Variants in HERC4 observed in about 807,000 individuals in gnomAD.
HERC4 encodes HECT and RLD domain containing E3 ubiquitin protein ligase 4.
Under a neutral mutation model 124.3 loss-of-function variants are expected in HERC4, and 28 were observed. That is an observed-to-expected ratio of 0.23 (90% CI 0.17 to 0.31). The LOEUF (loss-of-function observed/expected upper bound fraction) is 0.31, where lower values mean the gene tolerates loss of function less well. Among genes scored for constraint, HERC4 ranks in the 10% least tolerant of loss-of-function variants. HERC4 has a pLI of 1.00. For missense variants in HERC4, 713 were observed against 1,229.3 expected, an observed-to-expected ratio of 0.58 and a Z score of 6.28; for synonymous variants, 407 against 421.5, an observed-to-expected ratio of 0.97 and a Z score of 0.42.
At chr10:67,979,348 T>C (rs1284827108) in intron 15 of HERC4, among the ~76,000 whole-genome samples, 1 of 151,958 alleles carries the variant, frequency 6.6e-6, no homozygotes, top group East Asian at 1.9e-4. Flanking sequence ...TACCGAAGAA[T>C]GTCTCAGAGT....
chr10:68,059,290 T>G (rs1262448794), intron 3 of HERC4, among the ~76,000 whole-genome samples: 1 of 151,126 alleles, frequency 6.6e-6, no homozygotes, highest in Admixed American at 6.7e-5. Flanking sequence ...ATTGACGGGT[T>G]GATGTGGTTG....
At chr10:68,002,638 G>A (rs1320719356) in intron 9 of HERC4, among the ~76,000 whole-genome samples, 28 of 135,540 alleles carry the variant, frequency 2.1e-4, no homozygotes, top group Admixed American at 8.7e-5. Flanking sequence ...TCACTCTGTC[G>A]CCAAGGCTGG....
At chr10:68,067,089 G>A (rs1258867335) in intron 3 of HERC4, 6 of 152,658 alleles carry the variant, frequency 3.9e-5, no homozygotes, top group East Asian at 1.9e-4. Context: ...ACTTACCAAC[G>A]TGTGCTGCCA....
intron 19 of HERC4, among the ~76,000 whole-genome samples, chr10:67,944,785 T>C (rs138161485): frequency 4.2e-4 from 63 of 151,790 alleles, no homozygotes; most frequent in African/African-American, 1.1e-3. Flanking sequence ...AATTCTAGAG[T>C]TGAAAAATGC....
At position 68,033,603 on chromosome 10, in the gene HERC4, T is replaced by G. The variant is rs914071453; in HGVS notation, c.685+362A>C. ...TTAACAGCCCAAATCATTTAAATAT[T>G]TCCTTGAAAAACTCAAAGATTAACA... is the stretch of plus-strand genomic sequence containing the variant. On this transcript the variant is annotated intron_variant, in intron 6 of 24. Coordinates refer to ENST00000373700, the MANE Select transcript of HERC4 (RefSeq NM_015601.4). Among the ~76,000 whole-genome samples, 15 of 152,226 alleles carry G rather than the reference T, an allele frequency of 9.9e-5. 1 individual carries two copies. Among genetic ancestry groups the G allele is most frequent in the Admixed American group, 7.9e-4 (12 of 15,286 alleles).
chr10:68,063,245 T>TGGA (rs2041126701), intron 3 of HERC4, among the ~76,000 whole-genome samples: 1 of 152,204 alleles, frequency 6.6e-6, no homozygotes, highest in African/African-American at 2.4e-5. Flanking sequence ...AGTCTCGCTC[T>TGGA]GTAACCCAGG....
At chr10:67,935,075 G>A (rs2032223781) in intron 22 of HERC4, among the ~76,000 whole-genome samples, 1 of 150,846 alleles carries the variant, frequency 6.6e-6, no homozygotes, top group Non-Finnish European at 1.5e-5. Context: ...CATGGTTCCT[G>A]GTTTCTTGCC....
At chr10:68,013,752 A>G (rs948403782) in intron 9 of HERC4, among the ~76,000 whole-genome samples, 1 of 152,218 alleles carries the variant, frequency 6.6e-6, no homozygotes, top group Non-Finnish European at 1.5e-5. Flanking sequence ...TTTAAAATAG[A>G]AAACAAAAAA....
At chr10:68,018,513 T>C (rs906794931) in intron 8 of HERC4, among the ~76,000 whole-genome samples, 1 of 152,132 alleles carries the variant, frequency 6.6e-6, no homozygotes, top group African/African-American at 2.4e-5. Flanking sequence ...ATTAAAACAA[T>C]TATATAAACA....
rs1430066900 is a variant in HERC4 at position 68,059,588 on chromosome 10, CATATT to C, written c.226+13290_226+13294del. The stretch of plus-strand genomic sequence containing the variant: ...TAATATTATATATCATATTATATAT[CATATT>C]ATATATCATAATATTATATATCATA... On this transcript the variant is annotated intron_variant, in intron 3 of 24. Transcript: ENST00000373700. 2.4e-5 allele frequency among the ~76,000 whole-genome samples: 2 copies of C among 82,038 alleles called. 1 individual carries two copies. The highest frequency in any genetic ancestry group is 4.1e-5 in the Non-Finnish European group (2 of 48,876). 53.8% of individuals were successfully genotyped at this position (82,038 alleles called of 152,430 possible).
rs547495272 is a variant in HERC4 at position 67,957,208 on chromosome 10, T to C, written c.1927-232A>G. Among the ~76,000 whole-genome samples the C allele has an allele frequency of 2.6e-5, 4 of 152,330 alleles. No individual in the cohort carries two copies. The East Asian group carries it at 7.7e-4, about 29-fold the overall frequency. On this transcript the variant is annotated intron_variant, in intron 16 of 24. Transcript: ENST00000373700. ...GTATACTTGAGAGTCTATACAATCA[T>C]ATACTGCAAGTATCTTTTGCTTAGC...
intron 21 of HERC4, among the ~76,000 whole-genome samples, chr10:67,937,684 TTTTTTTTTTTTTTTGAGATGGAG>T (rs2032487500): frequency 6.6e-6 from 1 of 150,404 alleles, no homozygotes; most frequent in Non-Finnish European, 1.5e-5. Context: ...AGAGCAACTT[TTTTTTTTTTTTTTTGAGATGGAG>T]TCTCACTGTG....
At chr10:67,943,877 T>G (rs1202062607) in intron 19 of HERC4, among the ~76,000 whole-genome samples, 1 of 152,210 alleles carries the variant, frequency 6.6e-6, no homozygotes, top group African/African-American at 2.4e-5. Context: ...GGATGGGGCC[T>G]GTAGAGTGGG....
chr10:67,973,200 T>C (rs1240269826), intron 15 of HERC4, among the ~76,000 whole-genome samples: 1 of 149,396 alleles, frequency 6.7e-6, no homozygotes, highest in Non-Finnish European at 1.5e-5. Flanking sequence ...ATGGAAAACA[T>C]TTAAAAAAAA....
chr10:67,970,810 G>C (rs1344317111), intron 15 of HERC4, among the ~76,000 whole-genome samples: 2 of 151,456 alleles, frequency 1.3e-5, no homozygotes, highest in African/African-American at 4.9e-5. Flanking sequence ...GATCATATTA[G>C]AAATAAAGGG....
chr10:68,000,576 C>A (rs1245965616), intron 9 of HERC4, among the ~76,000 whole-genome samples: 70 of 138,166 alleles, frequency 5.1e-4, no homozygotes, highest in Non-Finnish European at 5.1e-4. Context: ...CAGACTGTCT[C>A]AAAAAAAAAA....
At chr10:67,940,723 G>A (rs912644871) in intron 20 of HERC4, among the ~76,000 whole-genome samples, 3 of 152,180 alleles carry the variant, frequency 2.0e-5, no homozygotes, top group African/African-American at 7.2e-5. Flanking sequence ...AGGATTACAG[G>A]TGTGGGCCAC....
chr10:67,937,470 C>T (rs1185803881), intron 21 of HERC4, among the ~76,000 whole-genome samples: 1 of 152,090 alleles, frequency 6.6e-6, no homozygotes, highest in Admixed American at 6.5e-5. Context: ...AGAAATTAAA[C>T]AGCTTGAAAC....
At position 68,043,554 on chromosome 10, in the gene HERC4, G is replaced by A. The variant is rs180907284; in HGVS notation, c.386+850C>T. On this transcript the variant is annotated intron_variant, in intron 4 of 24. Coordinates refer to ENST00000373700, the MANE Select transcript of HERC4 (RefSeq NM_015601.4). ...TGATTAGCCAGGCACAGTGCTTCAC[G>A]CCTATAATCATGAGTACTTTGGGAG... Among the ~76,000 whole-genome samples the A allele has an allele frequency of 3.7e-3, 565 of 152,136 alleles. 4 individuals are homozygous for A. Among genetic ancestry groups the A allele is most frequent in the Non-Finnish European group, 3.7e-3 (250 of 67,994 alleles).
Sources: allele counts gnomAD v4.1 joint callset (sites outside exome capture counted in the v4.1 genomes callset), GRCh38; gene constraint gnomAD v4.1.1; transcripts MANE v1.5; gene names NCBI Gene and HGNC (gene_info 2026-07-23, HGNC 2026-07-21).